The following POU6F2 variants were observed in gnomAD, a reference collection of about 807,000 sequenced individuals.
The protein encoded by POU6F2 is POU class 6 homeobox 2.
A neutral mutation model predicts 71.3 loss-of-function variants in POU6F2; 31 were observed. The ratio of observed to expected loss-of-function variants is 0.43; its 90% CI spans 0.33 to 0.59. The LOEUF (loss-of-function observed/expected upper bound fraction) is 0.59. Ranked by LOEUF, POU6F2 falls within the 20% of genes least tolerant of loss-of-function variation. The pLI, the probability that POU6F2 is intolerant of heterozygous loss-of-function variation, is 0.04. For synonymous variants in POU6F2, 347 were observed against 355.7 expected, an observed-to-expected ratio of 0.98 and a Z score of 0.27; for missense variants, 783 against 856.8, an observed-to-expected ratio of 0.91 and a Z score of 1.07.
intron 4 of POU6F2, among the ~76,000 whole-genome samples, chr7:39,329,520 C>T (rs924767462): frequency 3.3e-5 from 5 of 152,070 alleles, no homozygotes; most frequent in Non-Finnish European, 5.9e-5. Flanking sequence ...CCGAAGTCAC[C>T]GCCCCCTTAC....
At chr7:39,027,097 C>A (rs1789825033) in intron 1 of POU6F2, among the ~76,000 whole-genome samples, 1 of 152,106 alleles carries the variant, frequency 6.6e-6, no homozygotes, top group Non-Finnish European at 1.5e-5. Flanking sequence ...AAGACATAAG[C>A]AATTTTTCCT....
chr7:39,398,019 G>T (rs1334050567), intron 5 of POU6F2, among the ~76,000 whole-genome samples: 1 of 151,558 alleles, frequency 6.6e-6, no homozygotes, highest in African/African-American at 2.4e-5. Context: ...TAGAGTTTCA[G>T]CATGTTGAAG....
chr7:39,146,539 A>T (rs1792630121), intron 2 of POU6F2, among the ~76,000 whole-genome samples: 1 of 152,216 alleles, frequency 6.6e-6, no homozygotes, highest in Non-Finnish European at 1.5e-5. Flanking sequence ...TCTAAACTGT[A>T]TAGTTTGATA....
intron 1 of POU6F2, among the ~76,000 whole-genome samples, chr7:39,003,096 T>C (rs192545751): frequency 1.9e-3 from 297 of 152,338 alleles, no homozygotes; most frequent in Middle Eastern, 3.4e-3. Context: ...ACAAAGCAGA[T>C]TGTAGTACAT....
chr7:39,251,652 C>T (rs1285251747), intron 4 of POU6F2, among the ~76,000 whole-genome samples: 1 of 152,168 alleles, frequency 6.6e-6, no homozygotes, highest in Non-Finnish European at 1.5e-5. Context: ...GACATCTCCC[C>T]AGCCCAGCTG....
At chr7:39,155,808 T>C (rs1051086434) in intron 2 of POU6F2, among the ~76,000 whole-genome samples, 5 of 152,220 alleles carry the variant, frequency 3.3e-5, no homozygotes, top group African/African-American at 1.2e-4. Flanking sequence ...AGTTTATCTG[T>C]TATTTTAGCA....
chr7:39,407,161 G>C lies in POU6F2; in HGVS notation c.1113+421G>C, dbSNP rs115576295. Reference sequence around the variant, plus strand: ...TTCCTTCCATAATTGCTGTGAGAGAGATATCAAAATTAGTCTTAACAAAGC... The same window carrying C: ...TTCCTTCCATAATTGCTGTGAGAGACATATCAAAATTAGTCTTAACAAAGC... On this transcript the variant is annotated intron_variant, in intron 6 of 9. Coordinates refer to ENST00000518318, the MANE Select transcript of POU6F2 (RefSeq NM_001370959.1). Among the ~76,000 whole-genome samples, 362 of 152,078 alleles carry C rather than the reference G, an allele frequency of 2.4e-3. 1 individual carries two copies. The highest frequency in any genetic ancestry group is 8.2e-3 in the African/African-American group (340 of 41,456).
At chr7:39,150,133 C>T (rs1274365372) in intron 2 of POU6F2, among the ~76,000 whole-genome samples, 1 of 152,000 alleles carries the variant, frequency 6.6e-6, no homozygotes, top group African/African-American at 2.4e-5. Flanking sequence ...CCTCGTGATC[C>T]GCCTGCCTCG....
intron 1 of POU6F2, among the ~76,000 whole-genome samples, chr7:38,996,126 A>G (rs1345933661): frequency 1.1e-4 from 14 of 131,526 alleles, no homozygotes; most frequent in Non-Finnish European, 1.6e-4. Context: ...TGCAACCTCC[A>G]CCTCCCTGGT....
At chr7:38,981,002 T>C (rs953185070) in intron 1 of POU6F2, among the ~76,000 whole-genome samples, 7 of 152,188 alleles carry the variant, frequency 4.6e-5, no homozygotes, top group Admixed American at 2.0e-4. Context: ...AGCAGTCTAG[T>C]ACTTGGAAGA....
chr7:39,451,629 G>A lies in POU6F2; in HGVS notation c.1417G>A (p.Val473Ile), dbSNP rs755337082. ...HSQASMSQSP[V>I]RQASSSSSSS... ...CCAAGCATCCATGTCTCAAAGTCCC[G>A]TCCGGCAGGCTTCCTCTTCTTCCTC... The change falls in exon 8 of 10, where the codon GTC becomes ATC. Residue 473 changes from valine to isoleucine, a missense_variant. Transcript: ENST00000518318. The A allele has an allele frequency of 4.3e-5, 70 of 1,613,206 alleles. No homozygotes were observed. In the Middle Eastern group the frequency reaches 8.2e-4, roughly 19 times the overall value.
At chr7:39,143,378 G>A (rs1431777842) in intron 2 of POU6F2, among the ~76,000 whole-genome samples, 1 of 152,190 alleles carries the variant, frequency 6.6e-6, no homozygotes, top group South Asian at 2.1e-4. Context: ...GTTTACTATG[G>A]TTTCCTGAGA....
At chr7:39,311,631 C>T (rs1785166402) in intron 4 of POU6F2, among the ~76,000 whole-genome samples, 1 of 152,028 alleles carries the variant, frequency 6.6e-6, no homozygotes. Flanking sequence ...AGCATTAGAC[C>T]AGGCAGAAAT....
intron 1 of POU6F2, among the ~76,000 whole-genome samples, chr7:39,015,112 A>G (rs1393422354): frequency 1.3e-5 from 2 of 151,404 alleles, no homozygotes; most frequent in Non-Finnish European, 2.9e-5. Flanking sequence ...TTTGTTCGGG[A>G]GCAGAATTTT....
At chr7:39,305,285 A>G (rs1382422695) in intron 4 of POU6F2, among the ~76,000 whole-genome samples, 1 of 152,272 alleles carries the variant, frequency 6.6e-6, no homozygotes, top group East Asian at 1.9e-4. Flanking sequence ...CCAGGGGCAT[A>G]CAATTAGGAA....
At chr7:39,038,146 G>C (rs1311807662) in intron 1 of POU6F2, among the ~76,000 whole-genome samples, 1 of 151,858 alleles carries the variant, frequency 6.6e-6, no homozygotes, top group Non-Finnish European at 1.5e-5. Context: ...TCTCTCTTTT[G>C]TCATAGGATT....
intron 4 of POU6F2, among the ~76,000 whole-genome samples, chr7:39,254,110 C>T (rs1402161710): frequency 6.6e-6 from 1 of 152,154 alleles, no homozygotes; most frequent in Non-Finnish European, 1.5e-5. Flanking sequence ...AAACCCTCCC[C>T]AGAGCTCAGA....
At chr7:39,082,035 A>G (rs1236260866) in intron 1 of POU6F2, among the ~76,000 whole-genome samples, 1 of 152,194 alleles carries the variant, frequency 6.6e-6, no homozygotes, top group Non-Finnish European at 1.5e-5. Flanking sequence ...GTAACATTAG[A>G]TCCATCTGAG....
In POU6F2 at chr7:39,460,222, G is replaced by T. The variant is rs75560226; in HGVS notation, c.1490-325G>T. On this transcript the variant is annotated intron_variant, in intron 8 of 9. Coordinates refer to ENST00000518318, the MANE Select transcript of POU6F2 (RefSeq NM_001370959.1). This position sits in a 1 kb window ranked among gnomAD's most constrained non-coding sequence, Gnocchi z 4.4. ...ACATACTTATGGGCAAAATGGAGTCGCATTCCCATAGCAAGTGCCTCCCAG... is the reference window on the plus strand; with the variant it reads ...ACATACTTATGGGCAAAATGGAGTCTCATTCCCATAGCAAGTGCCTCCCAG... Among the ~76,000 whole-genome samples, 778 of 152,240 alleles carry T rather than the reference G, an allele frequency of 5.1e-3. 3 individuals are homozygous for T. Among genetic ancestry groups the T allele is most frequent in the African/African-American group, 0.018 (745 of 41,524 alleles).
Sources: allele counts gnomAD v4.1 joint callset (sites outside exome capture counted in the v4.1 genomes callset), GRCh38; gene constraint gnomAD v4.1.1; non-coding constraint Gnocchi (gnomAD v3.1); transcripts MANE v1.5; gene names NCBI Gene and HGNC (gene_info 2026-07-23, HGNC 2026-07-21).